Variants in CDKN2AIPNL observed in about 807,000 individuals in gnomAD.
CDKN2AIPNL encodes the protein XRN2 binding domain containing 1.
In CDKN2AIPNL, 9 loss-of-function variants were observed where a neutral mutation model predicts 12.9. The ratio of observed to expected loss-of-function variants is 0.70; its 90% CI spans 0.42 to 1.22. The LOEUF is 1.22. CDKN2AIPNL is among the 50% of genes most tolerant of loss of function. CDKN2AIPNL has a pLI of 0.00. For missense variants in CDKN2AIPNL, 143 were observed against 153.6 expected (o/e 0.93, Z 0.37); for synonymous variants, 53 against 61.7 (o/e 0.86, Z 0.66).
intron 2 of CDKN2AIPNL, among the ~76,000 whole-genome samples, chr5:134,406,132 TAAAAA>T (rs1198497470): frequency 6.6e-6 from 1 of 152,212 alleles, no homozygotes; most frequent in Non-Finnish European, 1.5e-5. Context: ...TTCTCAGACT[TAAAAA>T]AAGAGCTGGA....
At chr5:134,403,549 A>T (rs1162009212) in intron 2 of CDKN2AIPNL, among the ~76,000 whole-genome samples, 1 of 152,238 alleles carries the variant, frequency 6.6e-6, no homozygotes, top group Non-Finnish European at 1.5e-5. Flanking sequence ...TTAGCAGTGC[A>T]AGTGAATCAA....
chr5:134,411,047 A>T, intron 1 of CDKN2AIPNL: 1 of 702,524 alleles, frequency 1.4e-6, no homozygotes, highest in South Asian at 1.5e-5. Context: ...GGGAAAGCAG[A>T]GAGGTGAAGC....
intron 2 of CDKN2AIPNL, among the ~76,000 whole-genome samples, chr5:134,405,390 C>T (rs1759089105): frequency 1.3e-5 from 2 of 151,748 alleles, no homozygotes; most frequent in African/African-American, 4.8e-5. Context: ...CAGGCGTGAG[C>T]CACCGCGCCC....
rs761743091 is a variant in CDKN2AIPNL, at chr5:134,411,871, G to A, written c.-17C>T. ...ACCGACCATGGTGCCCGCCGCAGCC[G>A]AGGACCGGATAGCCCGCCGCCTTCC... On this transcript the variant is annotated 5_prime_UTR_variant, in exon 1 of 3. Transcript: ENST00000458198. 2.6e-6 allele frequency: 4 copies of A among 1,552,644 alleles called. No individual in the cohort carries two copies. The highest frequency in any genetic ancestry group is 2.6e-6 in the Non-Finnish European group (3 of 1,148,762).
At position 134,411,648 on chromosome 5, in the gene CDKN2AIPNL, C is replaced by T; in HGVS notation, c.207G>A (p.Met69Ile). The T allele has an allele frequency of 6.2e-7, 1 of 1,613,042 alleles. No individual in the cohort carries two copies. Among genetic ancestry groups the T allele is most frequent in the South Asian group, 1.1e-5 (1 of 90,868 alleles). Residue 69 changes from methionine (M) to isoleucine (I), a missense_variant, in exon 1 of 3, where the codon ATG becomes ATA. This residue lies in a region of CDKN2AIPNL where 111 missense variants were observed against 111.4 expected (regional missense o/e 1.00). Coordinates refer to ENST00000458198, the MANE Select transcript of CDKN2AIPNL (RefSeq NM_080656.3). ...CTAGGAAGAGATGGTTGGCCCAGAC[C>T]ATGGAGAGGGAGAGCAGCTGGTCCA... ...GRLDQLLSLS[M>I]VWANHLFLGC...
chr5:134,408,906 T>G (rs938303729), intron 2 of CDKN2AIPNL, among the ~76,000 whole-genome samples: 1 of 152,298 alleles, frequency 6.6e-6, no homozygotes, highest in South Asian at 2.1e-4. Flanking sequence ...TATTTGGGAC[T>G]GAAATACTTT....
Position 134,411,792 on chromosome 5 carries a change from G to A in CDKN2AIPNL, c.63C>T (p.Ala21=), listed in dbSNP as rs1424506862. The A allele has an allele frequency of 6.3e-7, 1 of 1,598,852 alleles. No individual in the cohort carries two copies. The highest frequency in any genetic ancestry group is 1.1e-5 in the South Asian group (1 of 89,272). ...EELVSGVRQA[A]DFAEQFRSYS... ...AGGAGCGGAACTGCTCCGCGAAGTC[G>A]GCCGCCTGCCGCACCCCCGAAACCA... The change falls in exon 1 of 3, where the codon GCC becomes GCT. Residue 21 remains alanine (A), a synonymous_variant. Transcript: ENST00000458198.
At chr5:134,403,362 C>G (rs1759056703) in intron 2 of CDKN2AIPNL, among the ~76,000 whole-genome samples, 1 of 152,218 alleles carries the variant, frequency 6.6e-6, no homozygotes, top group African/African-American at 2.4e-5. Context: ...GGATTTCACA[C>G]TATTAGAAAC....
In CDKN2AIPNL at chr5:134,402,930, G is replaced by C. The variant is rs1759050580; in HGVS notation, c.340-4C>G. On this transcript the variant is annotated splice_polypyrimidine_tract_variant and splice_region_variant and intron_variant, in intron 2 of 2. Coordinates refer to ENST00000458198, the MANE Select transcript of CDKN2AIPNL (RefSeq NM_080656.3). ...ATCTTCTGGCTTAGCTTTGATGCTG[G>C]GAAAAAAAGAAAAGAAAAGGTTACA... The C allele has an allele frequency of 6.2e-7, 1 of 1,604,514 alleles. No homozygotes were observed. The highest frequency in any genetic ancestry group is 8.5e-7 in the Non-Finnish European group (1 of 1,178,342).
chr5:134,407,380 G>A (rs1759121381), intron 2 of CDKN2AIPNL, among the ~76,000 whole-genome samples: 1 of 151,762 alleles, frequency 6.6e-6, no homozygotes, highest in African/African-American at 2.4e-5. Flanking sequence ...AATGTCATTA[G>A]GTGTTCTGAT....
At chr5:134,405,356 C>T (rs113369136) in intron 2 of CDKN2AIPNL, among the ~76,000 whole-genome samples, 9 of 151,540 alleles carry the variant, frequency 5.9e-5, no homozygotes, top group South Asian at 2.1e-4. Flanking sequence ...CCGCCCGCCT[C>T]GGCCTCCCAA....
chr5:134,405,028 C>T (rs1210863800), intron 2 of CDKN2AIPNL, among the ~76,000 whole-genome samples: 2 of 151,964 alleles, frequency 1.3e-5, no homozygotes, highest in African/African-American at 4.8e-5. Flanking sequence ...AAATGATCCA[C>T]CCACCTTAGC....
rs1759193034 is a variant in CDKN2AIPNL, at chr5:134,411,634, T to C, written c.221A>G (p.His74Arg). 3 of 1,612,398 alleles carry C rather than the reference T, an allele frequency of 1.9e-6. No individual in the cohort carries two copies. Among genetic ancestry groups the C allele is most frequent in the Non-Finnish European group, 8.5e-7 (1 of 1,179,636 alleles). ...LLSLSMVWAN[H>R]LFLGCSYNKD... is the part of the protein sequence containing the mutation. ...TCCGCACCTGCAGCCTAGGAAGAGATGGTTGGCCCAGACCATGGAGAGGGA... is the reference window on the plus strand; with the variant it reads ...TCCGCACCTGCAGCCTAGGAAGAGACGGTTGGCCCAGACCATGGAGAGGGA... The change falls in exon 1 of 3, where the codon CAT becomes CGT. Residue 74 changes from histidine to arginine, a missense_variant. Around this residue, in one of 3 missense-constraint regions of CDKN2AIPNL, gnomAD observed 111 missense variants for 111.4 expected, o/e 1.00. Coordinates refer to ENST00000458198, the MANE Select transcript of CDKN2AIPNL (RefSeq NM_080656.3).
intron 2 of CDKN2AIPNL, among the ~76,000 whole-genome samples, chr5:134,408,681 T>A (rs1274400803): frequency 6.6e-6 from 1 of 151,932 alleles, no homozygotes; most frequent in East Asian, 1.9e-4. Context: ...GGAGACTCCC[T>A]CTCAAAAACA....
intron 2 of CDKN2AIPNL, among the ~76,000 whole-genome samples, chr5:134,404,827 C>A (rs981338059): frequency 2.6e-5 from 4 of 152,124 alleles, no homozygotes; most frequent in Non-Finnish European, 4.4e-5. Context: ...ACTCCGTTGC[C>A]CAGGCTAGAG....
At chr5:134,405,752 G>A (rs148102783) in intron 2 of CDKN2AIPNL, among the ~76,000 whole-genome samples, 108 of 152,182 alleles carry the variant, frequency 7.1e-4, no homozygotes, top group African/African-American at 2.5e-3. Context: ...TTCCCTCTTG[G>A]GATAAAAATG....
chr5:134,411,498 T>A, intron 1 of CDKN2AIPNL, 118 bp downstream of exon 1: 1 of 812,390 alleles, frequency 1.2e-6, no homozygotes, highest in Non-Finnish European at 2.0e-6. Context: ...CCAATGCGGA[T>A]GGAGGTTGGG....
rs750562762 is a variant in CDKN2AIPNL at position 134,409,883 on chromosome 5, C to A, written c.339+20G>T. 1 of 1,492,456 alleles carries A rather than the reference C, an allele frequency of 6.7e-7. No homozygotes were observed. Among genetic ancestry groups the A allele is most frequent in the Admixed American group, 1.7e-5 (1 of 59,380 alleles). The allele number at this position is 1,492,456 out of a possible 1,614,324, so 92.5% of individuals were successfully genotyped here. A position where few individuals can be genotyped will look rare whatever the true frequency, so the allele number is the denominator to read the frequency against. On this transcript the variant is annotated intron_variant, in intron 2 of 2. Coordinates refer to ENST00000458198, the MANE Select transcript of CDKN2AIPNL (RefSeq NM_080656.3). ...TAACTCTACACCATTTCATCACATG[C>A]ACTTGGAAATCCTATTTACCTTTTT... is the stretch of plus-strand genomic sequence containing the variant.
intron 2 of CDKN2AIPNL, among the ~76,000 whole-genome samples, chr5:134,405,153 C>G (rs1334235124): frequency 6.7e-6 from 1 of 148,542 alleles, no homozygotes; most frequent in Non-Finnish European, 1.5e-5. Flanking sequence ...TAGCCCAGGC[C>G]GGATTGCAGT....
Sources: gnomAD v4.1 joint callset for allele counts (sites outside exome capture counted in the v4.1 genomes callset) on GRCh38, gnomAD v4.1.1 for gene constraint, gnomAD v4.1.1 regional missense constraint, MANE v1.5 for transcripts, NCBI Gene and HGNC (gene_info 2026-07-23, HGNC 2026-07-21) for gene names.